The following MBD1 variants were observed in gnomAD, a reference collection of about 807,000 sequenced individuals.
MBD1 encodes methyl-CpG-binding domain protein 1.
In MBD1, 25 loss-of-function variants were observed where a neutral mutation model predicts 82.6. That is an observed-to-expected ratio of 0.30 (90% CI 0.22 to 0.42). The LOEUF is 0.42. Ranked by LOEUF, MBD1 falls within the 10% of genes least tolerant of loss-of-function variation. MBD1 has a pLI of 1.00. For missense variants in MBD1, 627 were observed against 819.6 expected (o/e 0.76, Z 2.87); for synonymous variants, 301 against 303.7 (o/e 0.99, Z 0.09).
At chr18:50,272,446 T>C (rs910432284) in intron 15 of MBD1, 17 of 587,404 alleles carry the variant, frequency 2.9e-5, no homozygotes, top group African/African-American at 2.2e-4. Flanking sequence ...GTACCAAGTC[T>C]TTCCCCTACC....
chr18:50,276,342 C>T (rs1407840283), intron 6 of MBD1, 36 bp downstream of exon 6: 3 of 1,605,882 alleles, frequency 1.9e-6, no homozygotes, highest in Middle Eastern at 1.7e-4. Flanking sequence ...CCTGCTCCCA[C>T]TGCAGAGTTG....
downstream of MBD1, chr18:50,267,785 A>G: frequency 1.4e-6 from 1 of 694,316 alleles, no homozygotes; most frequent in Non-Finnish European, 2.6e-6. Flanking sequence ...AATAAGTACA[A>G]CTAATGTGTA....
chr18:50,271,235 A>T, intron 16 of MBD1: 1 of 1,377,332 alleles, frequency 7.3e-7, no homozygotes, highest in Non-Finnish European at 9.4e-7. Context: ...TTAAAATCCA[A>T]CTTCTTATAC....
intron 10 of MBD1, 27 bp from the exon 11 acceptor site, chr18:50,274,380 G>A: frequency 6.2e-6 from 10 of 1,606,768 alleles, no homozygotes; most frequent in Non-Finnish European, 8.5e-6. Flanking sequence ...GGGTGGTGCT[G>A]TCAACTAGGA....
At chr18:50,273,519 G>A (rs963368545) in intron 12 of MBD1, 45 bp downstream of exon 12, 1 of 1,613,688 alleles carries the variant, frequency 6.2e-7, no homozygotes, top group Non-Finnish European at 8.5e-7. Context: ...TCCCTGGCAT[G>A]CAGCTGGGTG....
Position 50,274,907 on chromosome 18 carries a change from A to T in MBD1, c.978+70T>A, listed in dbSNP as rs563822102. ...TGTTCCCCAATAGGCTCATTCCAGCATCTGCTTCTTTGAAGTTAACCAAGC... is the reference window on the plus strand; with the variant it reads ...TGTTCCCCAATAGGCTCATTCCAGCTTCTGCTTCTTTGAAGTTAACCAAGC... On this transcript the variant is annotated intron_variant, in intron 10 of 16. Transcript: ENST00000269468. 3,998 of 1,515,872 alleles carry T rather than the reference A, an allele frequency of 2.6e-3. 12 individuals are homozygous for T. Among genetic ancestry groups the T allele is most frequent in the Non-Finnish European group, 3.4e-3 (3,715 of 1,093,588 alleles). The allele number at this position is 1,515,872 out of a possible 1,614,324, so 93.9% of individuals were successfully genotyped here. A position where few individuals can be genotyped will look rare whatever the true frequency, so the allele number is the denominator to read the frequency against.
rs749855608 is a variant in MBD1 at position 50,279,939 on chromosome 18, G to T, written c.54C>A (p.Arg18=). Residue 18 remains arginine, a synonymous_variant, in exon 2 of 17, where the codon CGC becomes CGA. Transcript: ENST00000269468. ...CPALGPGWKR[R]EVFRKSGATC... is the part of the protein sequence containing the mutation. Reference sequence around the variant, plus strand: ...TGGCCCCTGACTTGCGAAAGACTTCGCGGCGCTTCCAGCCAGGGCCCAGGG... The same window carrying T: ...TGGCCCCTGACTTGCGAAAGACTTCTCGGCGCTTCCAGCCAGGGCCCAGGG... 5 of 1,613,220 alleles carry T rather than the reference G, an allele frequency of 3.1e-6. No homozygotes were observed. In the East Asian group the frequency reaches 8.9e-5, roughly 29 times the overall value.
At chr18:50,279,101 G>A (rs1213380629) in intron 2 of MBD1, among the ~76,000 whole-genome samples, 1 of 152,172 alleles carries the variant, frequency 6.6e-6, no homozygotes, top group African/African-American at 2.4e-5. Flanking sequence ...TTCATGCCAT[G>A]TCGCCTTTTG....
At chr18:50,267,693 T>C (rs555396430), downstream of MBD1, 224 of 1,486,500 alleles carry the variant, frequency 1.5e-4, no homozygotes, top group Non-Finnish European at 1.7e-4. Context: ...GACACTGTGA[T>C]ACTCCCATTC....
chr18:50,279,793 A>C, intron 2 of MBD1, 90 bp downstream of exon 2: 1 of 1,546,900 alleles, frequency 6.5e-7, no homozygotes, highest in Non-Finnish European at 8.9e-7. Flanking sequence ...GCATAATTTA[A>C]ACTTCATCCA....
chr18:50,267,342 GTAATAA>G (rs1462465266), downstream of MBD1: 1 of 494,086 alleles, frequency 2.0e-6, no homozygotes, highest in African/African-American at 1.9e-5. Flanking sequence ...CAAATAACCA[GTAATAA>G]TAATAATTTT....
In MBD1 at chr18:50,279,824, G is replaced by A. The variant is rs1418169785; in HGVS notation, c.110+59C>T. 2.5e-6 allele frequency: 4 copies of A among 1,609,530 alleles called. No individual in the cohort carries two copies. In the African/African-American group the frequency reaches 4.0e-5, roughly 16 times the overall value. On this transcript the variant is annotated intron_variant, in intron 2 of 16. Transcript: ENST00000269468. Reference sequence around the variant, plus strand: ...ATCCATAAATTTAACCACACCATTTGATTTTACCAGAATCAGGCTCTACCC... The same window carrying A: ...ATCCATAAATTTAACCACACCATTTAATTTTACCAGAATCAGGCTCTACCC...
At chr18:50,280,099 T>C (rs1452487287) in intron 1 of MBD1, 82 bp from the exon 2 acceptor site, 2 of 1,395,538 alleles carry the variant, frequency 1.4e-6, no homozygotes, top group African/African-American at 2.8e-5. Context: ...AAATCACTGG[T>C]ATCCATTAGT....
Position 50,276,367 on chromosome 18 carries a change from G to A in MBD1, c.516+11C>T, listed in dbSNP as rs1284248397. 1.2e-6 allele frequency: 2 copies of A among 1,613,704 alleles called. No individual in the cohort carries two copies. Among genetic ancestry groups the A allele is most frequent in the East Asian group, 2.2e-5 (1 of 44,886 alleles). ...CTGCAGAGTTGTGAAGAGGAAGCAGGTTGTGCTTACCTTAAACATTCTCTG... is the reference window on the plus strand; with the variant it reads ...CTGCAGAGTTGTGAAGAGGAAGCAGATTGTGCTTACCTTAAACATTCTCTG... On this transcript the variant is annotated intron_variant, in intron 6 of 16. Transcript: ENST00000269468.
chr18:50,272,198 AC>A lies in MBD1; in HGVS notation c.1778+478del, dbSNP rs2035871121. Among the ~76,000 whole-genome samples the A allele has an allele frequency of 2.6e-5, 4 of 152,270 alleles. No individual in the cohort carries two copies. The South Asian group carries it at 8.3e-4, about 32-fold the overall frequency. ...ACCCAGCTCACAAAGCCAGCTCGGA[AC>A]CCAGATCTCCTGCCCATACCACTGC... On this transcript the variant is annotated intron_variant, in intron 15 of 16. Coordinates refer to ENST00000269468, the MANE Select transcript of MBD1 (RefSeq NM_015846.4).
chr18:50,273,019 C>T, intron 13 of MBD1, 64 bp from the exon 14 acceptor site: 1 of 1,589,948 alleles, frequency 6.3e-7, no homozygotes, highest in South Asian at 1.1e-5. Context: ...AAGTCTCTAT[C>T]AGCCAACCCC....
In MBD1 at chr18:50,269,740, C is replaced by T. The variant is rs779457420; in HGVS notation, c.*111G>A. On this transcript the variant is annotated 3_prime_UTR_variant, in exon 17 of 17. Transcript: ENST00000269468. Reference sequence around the variant, plus strand: ...CAGGCCATCCTCGTGGGTTCCAGCTCGTGCTCGTGGGCTCCACTGTGTCCT... The same window carrying T: ...CAGGCCATCCTCGTGGGTTCCAGCTTGTGCTCGTGGGCTCCACTGTGTCCT... 11 of 781,388 alleles carry T rather than the reference C, an allele frequency of 1.4e-5. 1 individual carries two copies. Among genetic ancestry groups the T allele is most frequent in the South Asian group, 8.0e-5 (6 of 74,646 alleles). 48.4% of individuals were successfully genotyped at this position (781,388 alleles called of 1,614,324 possible).
chr18:50,271,945 T>A (rs1032083116), intron 15 of MBD1, among the ~76,000 whole-genome samples: 2 of 152,228 alleles, frequency 1.3e-5, no homozygotes, highest in African/African-American at 4.8e-5. Flanking sequence ...ATGCAGGGTC[T>A]GTCAATATTC....
chr18:50,278,691 T>C (rs922770884), intron 2 of MBD1, among the ~76,000 whole-genome samples: 1 of 152,274 alleles, frequency 6.6e-6, no homozygotes. Flanking sequence ...AACATCTATG[T>C]TGACTCTCAT....
Sources: allele counts gnomAD v4.1 joint callset (sites outside exome capture counted in the v4.1 genomes callset), GRCh38; gene constraint gnomAD v4.1.1; transcripts MANE v1.5; gene names NCBI Gene and HGNC (gene_info 2026-07-23, HGNC 2026-07-21).